ZNF600: variants seen among roughly 807,000 people sequenced by gnomAD.
ZNF600 encodes the protein zinc finger protein KR-ZNF1.
In ZNF600, 4 loss-of-function variants were observed where a neutral mutation model predicts 7.3. That is an observed-to-expected ratio of 0.55 (90% CI 0.27 to 1.25). The LOEUF (loss-of-function observed/expected upper bound fraction) is 1.25, where lower values mean the gene tolerates loss of function less well. Ranked by LOEUF, ZNF600 falls within the 50% of genes most tolerant of loss-of-function variation. The pLI, the probability that ZNF600 is intolerant of heterozygous loss-of-function variation, is 0.12. For missense variants in ZNF600, 911 were observed against 922.1 expected (o/e 0.99, Z 0.16); for synonymous variants, 290 against 308.9 (o/e 0.94, Z 0.64).
upstream of ZNF600, among the ~76,000 whole-genome samples, chr19:52,788,264 A>T (rs550942262): frequency 6.6e-6 from 1 of 152,298 alleles, no homozygotes; most frequent in South Asian, 2.1e-4. Context: ...CTCACAGAAG[A>T]CTGGCTACTA....
the ZNF600 span, chr19:52,801,520 G>A: frequency 1.2e-6 from 2 of 1,614,078 alleles, no homozygotes; most frequent in Non-Finnish European, 1.7e-6. Flanking sequence ...GGTGCTGCAT[G>A]GTCATTTGTT....
the ZNF600 span, chr19:52,809,791 C>T: frequency 0.028 from 13,929 of 502,324 alleles, 261 homozygotes; most frequent in Middle Eastern, 0.036. Flanking sequence ...GGTGACAGAG[C>T]GAAAAAAAAG....
In ZNF600 at chr19:52,765,636, G is replaced by C; in HGVS notation, c.2327C>G (p.Ser776Ter). Residue 776 changes from serine to a stop codon, truncating the protein, a stop_gained, in exon 4 of 4, where the codon TCA becomes TGA. Transcript: ENST00000648973. LOFTEE classifies it low-confidence loss of function (END_TRUNC). ...AACTGCCTGATGGTGAATAAGTGTT[G>C]ACTGCTTGCTAAAGGCTTTGCCACA... is the stretch of plus-strand genomic sequence containing the variant. 1 of 1,613,934 alleles carries C rather than the reference G, an allele frequency of 6.2e-7. No individual in the cohort carries two copies. Among genetic ancestry groups the C allele is most frequent in the South Asian group, 1.1e-5 (1 of 91,068 alleles).
the ZNF600 span, among the ~76,000 whole-genome samples, chr19:52,791,868 A>C: frequency 6.6e-6 from 1 of 152,082 alleles, no homozygotes; most frequent in African/African-American, 2.4e-5. Context: ...CCCTGATCAA[A>C]CCCCATCCAG....
At chr19:52,781,669 C>T (rs1042703123) in intron 1 of ZNF600, among the ~76,000 whole-genome samples, 14 of 151,706 alleles carry the variant, frequency 9.2e-5, no homozygotes, top group Non-Finnish European at 1.9e-4. Context: ...GGGAGGCTGA[C>T]GCAAGATCAC....
Position 52,766,665 on chromosome 19 carries a change from CCA to C in ZNF600, c.1296_1297del (p.Cys432TrpfsTer15). 1.2e-6 allele frequency: 2 copies of C among 1,614,146 alleles called. No individual in the cohort carries two copies. The highest frequency in any genetic ancestry group is 1.7e-6 in the Non-Finnish European group (2 of 1,180,020). On this transcript the variant is annotated frameshift_variant, in exon 4 of 4. Coordinates refer to ENST00000648973, the Ensembl canonical transcript of ZNF600. LOFTEE classifies it low-confidence loss of function (END_TRUNC). ...GGATGACTTGTGACTGAAGGTCTTG[CCA>C]CACTCATTACACTTGTAAGTTTTCT...
At chr19:52,764,269 G>C (rs1482852632), downstream of ZNF600, 1 of 152,074 alleles carries the variant, frequency 6.6e-6, no homozygotes, top group African/African-American at 2.4e-5. Context: ...TGAGGGCAGT[G>C]GCACGATTTT....
At chr19:52,803,044 A>G in the ZNF600 span, among the ~76,000 whole-genome samples, 1 of 151,746 alleles carries the variant, frequency 6.6e-6, no homozygotes, top group African/African-American at 2.4e-5. Context: ...TATAGGCATG[A>G]GCCACCGCAC....
At chr19:52,779,805 ATT>A (rs760943362) in intron 1 of ZNF600, among the ~76,000 whole-genome samples, 1 of 152,116 alleles carries the variant, frequency 6.6e-6, no homozygotes, top group Non-Finnish European at 1.5e-5. Flanking sequence ...GCACTGTGGG[ATT>A]ACACAGGTAG....
At chr19:52,810,858 T>TCC in the ZNF600 span, 2 of 45,064 alleles carry the variant, frequency 4.4e-5, no homozygotes, top group African/African-American at 2.4e-4. Flanking sequence ...CCTCTCCCTC[T>TCC]CCCCCTCCCC....
At chr19:52,823,578 C>T in the ZNF600 span, among the ~76,000 whole-genome samples, 6 of 152,248 alleles carry the variant, frequency 3.9e-5, no homozygotes, top group East Asian at 1.2e-3. Context: ...CCACGTTCCT[C>T]TCAAAGCTCA....
At chr19:52,769,557 A>C (rs1268602230) in intron 3 of ZNF600, among the ~76,000 whole-genome samples, 1 of 152,142 alleles carries the variant, frequency 6.6e-6, no homozygotes, top group Non-Finnish European at 1.5e-5. Flanking sequence ...TCTTGTATCC[A>C]ATAAATATCA....
At chr19:52,825,460 G>A in the ZNF600 span, among the ~76,000 whole-genome samples, 1 of 152,026 alleles carries the variant, frequency 6.6e-6, no homozygotes, top group Non-Finnish European at 1.5e-5. Context: ...GATCACTTGA[G>A]GCCAGGAGTC....
chr19:52,798,881 T>C, the ZNF600 span: 2 of 1,412,652 alleles, frequency 1.4e-6, no homozygotes, highest in Non-Finnish European at 1.9e-6. Flanking sequence ...GATTGCTTGA[T>C]GGTGAATAAG....
At chr19:52,829,243 T>C in the ZNF600 span, among the ~76,000 whole-genome samples, 1 of 142,686 alleles carries the variant, frequency 7.0e-6, no homozygotes, top group Non-Finnish European at 1.5e-5. Flanking sequence ...ACTTTAAGTT[T>C]TAGGGTACAT....
At chr19:52,833,013 C>T in the ZNF600 span, among the ~76,000 whole-genome samples, 1 of 152,192 alleles carries the variant, frequency 6.6e-6, no homozygotes, top group South Asian at 2.1e-4. Context: ...CTCAAGTGAT[C>T]CACCTGCCTT....
chr19:52,794,891 T>A, the ZNF600 span, among the ~76,000 whole-genome samples: 37 of 152,132 alleles, frequency 2.4e-4, no homozygotes, highest in Non-Finnish European at 4.3e-4. Flanking sequence ...CCATTCTATA[T>A]ACCTGAGCAA....
chr19:52,796,557 C>T, the ZNF600 span, among the ~76,000 whole-genome samples: 63,398 of 152,036 alleles, frequency 0.42, 14,975 homozygotes, highest in Non-Finnish European at 0.55. Flanking sequence ...GCCTCTACCT[C>T]CCAGGCTCAA....
At chr19:52,796,016 A>G in the ZNF600 span, among the ~76,000 whole-genome samples, 1 of 152,132 alleles carries the variant, frequency 6.6e-6, no homozygotes, top group African/African-American at 2.4e-5. Flanking sequence ...CTCTACTAGG[A>G]ACACAAAAAT....
Sources: allele counts gnomAD v4.1 joint callset (sites outside exome capture counted in the v4.1 genomes callset), GRCh38; gene constraint gnomAD v4.1.1; transcripts MANE v1.5; gene names NCBI Gene and HGNC (gene_info 2026-07-23, HGNC 2026-07-21).